TMEM117: variants seen among roughly 807,000 people sequenced by gnomAD.
The protein encoded by TMEM117 is transmembrane protein 117.
TMEM117 carries 27 observed loss-of-function variants against 52.4 expected under a neutral mutation model. That is an observed-to-expected ratio of 0.51 (90% confidence interval 0.38 to 0.71). The LOEUF is 0.71. TMEM117 is among the 30% of genes least tolerant of loss of function. The pLI, the probability that TMEM117 is intolerant of heterozygous loss-of-function variation, is 0.00. For synonymous variants in TMEM117, 215 were observed against 206.3 expected (o/e 1.04, Z -0.36); for missense variants, 556 against 630.5 (o/e 0.88, Z 1.26).
intron 5 of TMEM117, among the ~76,000 whole-genome samples, chr12:44,218,128 G>A (rs112737174): frequency 0.1 from 15,646 of 151,918 alleles, 909 homozygotes; most frequent in Middle Eastern, 0.2. Flanking sequence ...GGAGGCTGAG[G>A]CAGGAGAATT....
At chr12:43,937,196 C>T (rs777881135) in intron 2 of TMEM117, among the ~76,000 whole-genome samples, 3 of 152,102 alleles carry the variant, frequency 2.0e-5, no homozygotes, top group Non-Finnish European at 1.5e-5. Context: ...TGTTTGATGA[C>T]AAGGATGTCT....
the TMEM117 span, among the ~76,000 whole-genome samples, chr12:43,813,390 C>T: frequency 7.2e-5 from 11 of 151,752 alleles, no homozygotes; most frequent in East Asian, 1.9e-3. Flanking sequence ...ATTACAGGCG[C>T]CTGCCACCAT....
intron 5 of TMEM117, among the ~76,000 whole-genome samples, chr12:44,268,535 G>T (rs112625591): frequency 0.049 from 7,490 of 151,838 alleles, 222 homozygotes; most frequent in African/African-American, 0.076. Flanking sequence ...ATATAGAAGA[G>T]TGTATTATAA....
At chr12:44,344,754 G>T (rs1051534238) in intron 6 of TMEM117, among the ~76,000 whole-genome samples, 10 of 152,062 alleles carry the variant, frequency 6.6e-5, no homozygotes, top group Non-Finnish European at 1.2e-4. Context: ...TGTCCAGTCA[G>T]TATCATTGTC....
chr12:44,168,031 G>A (rs1003232766), intron 4 of TMEM117, among the ~76,000 whole-genome samples: 12 of 151,402 alleles, frequency 7.9e-5, no homozygotes, highest in South Asian at 2.1e-4. Flanking sequence ...TGAGGTGGGC[G>A]GATCACAAGG....
chr12:44,194,551 C>T (rs999543589), intron 4 of TMEM117, among the ~76,000 whole-genome samples: 14 of 152,150 alleles, frequency 9.2e-5, no homozygotes, highest in African/African-American at 3.4e-4. Flanking sequence ...AGCACTTAAT[C>T]CACTTAATCC....
At chr12:43,903,578 T>C (rs970900675) in intron 2 of TMEM117, among the ~76,000 whole-genome samples, 1 of 152,196 alleles carries the variant, frequency 6.6e-6, no homozygotes, top group African/African-American at 2.4e-5. Flanking sequence ...TAGATAAAGA[T>C]AAAATGAAGA....
At chr12:44,015,534 A>G (rs1421984935) in intron 3 of TMEM117, among the ~76,000 whole-genome samples, 1 of 152,156 alleles carries the variant, frequency 6.6e-6, no homozygotes, top group Non-Finnish European at 1.5e-5. Flanking sequence ...AAATCGCTAG[A>G]GGGCACTGTG....
chr12:43,915,342 C>T (rs543913378), intron 2 of TMEM117, among the ~76,000 whole-genome samples: 2 of 152,292 alleles, frequency 1.3e-5, no homozygotes, highest in African/African-American at 2.4e-5. Flanking sequence ...AGTTAACCCT[C>T]CTCTGTGGAT....
At chr12:44,046,519 A>G (rs1316466265) in intron 3 of TMEM117, among the ~76,000 whole-genome samples, 1 of 152,202 alleles carries the variant, frequency 6.6e-6, no homozygotes, top group African/African-American at 2.4e-5. Context: ...AGGCAGGACT[A>G]CAAATGACCC....
intron 6 of TMEM117, among the ~76,000 whole-genome samples, chr12:44,325,154 A>G (rs1470837177): frequency 1.3e-5 from 2 of 152,236 alleles, no homozygotes; most frequent in Non-Finnish European, 1.5e-5. Context: ...TCTCTAGTTC[A>G]ATGATTCTTT....
At chr12:43,938,233 A>G (rs1038742750) in intron 2 of TMEM117, among the ~76,000 whole-genome samples, 5 of 147,802 alleles carry the variant, frequency 3.4e-5, no homozygotes, top group Non-Finnish European at 6.0e-5. Flanking sequence ...ACAAGGCTAT[A>G]TTATATATTA....
intron 3 of TMEM117, among the ~76,000 whole-genome samples, chr12:44,095,650 G>T (rs1359006282): frequency 6.6e-6 from 1 of 151,962 alleles, no homozygotes; most frequent in African/African-American, 2.4e-5. Context: ...GAAAAAGCTC[G>T]GTTCAAAGTT....
chr12:44,207,698 C>T (rs759977081), intron 4 of TMEM117, among the ~76,000 whole-genome samples: 6 of 151,818 alleles, frequency 4.0e-5, no homozygotes, highest in African/African-American at 7.3e-5. Context: ...ATACGAACAA[C>T]AACACACCAA....
rs1365671257 is a variant in TMEM117 at position 44,311,857 on chromosome 12, GTATATATA to G, written c.768+12120_768+12127del. ...TATATATGTATATATATGTATATAT[GTATATATA>G]TGTATATATATGTATATATGTATAT... On this transcript the variant is annotated intron_variant, in intron 6 of 7. Transcript: ENST00000266534. Among the ~76,000 whole-genome samples, 4 of 106,740 alleles carry G rather than the reference GTATATATA, an allele frequency of 3.7e-5. No homozygotes were observed. In the South Asian group the frequency reaches 1.0e-3, roughly 28 times the overall value. 70.0% of individuals were successfully genotyped at this position (106,740 alleles called of 152,430 possible).
chr12:44,005,720 A>G (rs1331826267), intron 3 of TMEM117, among the ~76,000 whole-genome samples: 1 of 152,174 alleles, frequency 6.6e-6, no homozygotes, highest in East Asian at 1.9e-4. Context: ...CCCAAATCTC[A>G]TTTTGAATTG....
chr12:43,861,668 A>T (rs1383889711), intron 2 of TMEM117, among the ~76,000 whole-genome samples: 1 of 152,238 alleles, frequency 6.6e-6, no homozygotes, highest in Non-Finnish European at 1.5e-5. Flanking sequence ...GCAAGTCTAG[A>T]CATATTTTAG....
At chr12:43,964,554 A>G (rs1348564324) in intron 3 of TMEM117, among the ~76,000 whole-genome samples, 2 of 152,234 alleles carry the variant, frequency 1.3e-5, no homozygotes, top group East Asian at 1.9e-4. Context: ...ATGGCTTGAC[A>G]TAAAAGGTGT....
At chr12:44,386,925 A>G (rs1435674575) in intron 7 of TMEM117, among the ~76,000 whole-genome samples, 2 of 152,086 alleles carry the variant, frequency 1.3e-5, no homozygotes, top group Non-Finnish European at 2.9e-5. Context: ...TATATTGCCA[A>G]ATACATAATC....
Sources: allele counts gnomAD v4.1 joint callset (sites outside exome capture counted in the v4.1 genomes callset), GRCh38; gene constraint gnomAD v4.1.1; transcripts MANE v1.5; gene names NCBI Gene and HGNC (gene_info 2026-07-23, HGNC 2026-07-21).